The following ABTB2 variants were observed in gnomAD, a reference collection of about 807,000 sequenced individuals.
ABTB2 encodes the protein ankyrin repeat and BTB domain containing 2.
Under a neutral mutation model 104.1 loss-of-function variants are expected in ABTB2, and 56 were observed. That is an observed-to-expected ratio of 0.54 (90% confidence interval 0.43 to 0.67). The LOEUF (loss-of-function observed/expected upper bound fraction) is 0.67, where lower values mean the gene tolerates loss of function less well. Among genes scored for constraint, ABTB2 ranks in the 30% least tolerant of loss-of-function variants. ABTB2 has a pLI of 0.00. For synonymous variants in ABTB2, 606 were observed against 608.2 expected (o/e 1.00, Z 0.05); for missense variants, 1,279 against 1,407.7 (o/e 0.91, Z 1.46).
At chr11:34,340,316 T>C (rs184719182) in intron 1 of ABTB2, among the ~76,000 whole-genome samples, 211 of 152,350 alleles carry the variant, frequency 1.4e-3, no homozygotes, top group African/African-American at 4.6e-3. Flanking sequence ...CAGTAGCTCA[T>C]ACCTGGTGGC....
intron 1 of ABTB2, among the ~76,000 whole-genome samples, chr11:34,222,304 A>C (rs1359269553): frequency 6.6e-6 from 1 of 152,192 alleles, no homozygotes; most frequent in Non-Finnish European, 1.5e-5. Context: ...TTCTGCTTAG[A>C]CTTAAGGTCT....
intron 1 of ABTB2, among the ~76,000 whole-genome samples, chr11:34,268,920 A>T (rs1402547802): frequency 1.3e-5 from 2 of 152,184 alleles, no homozygotes; most frequent in Non-Finnish European, 2.9e-5. Flanking sequence ...GCCTCATCTT[A>T]GCTAACTACA....
In ABTB2 at chr11:34,162,634, G is replaced by A. The variant is rs902491375; in HGVS notation, c.2160C>T (p.Ala720=). 2.5e-6 allele frequency: 4 copies of A among 1,613,630 alleles called. No homozygotes were observed. The highest frequency in any genetic ancestry group is 2.5e-6 in the Non-Finnish European group (3 of 1,180,016). The change falls in exon 10 of 17, where the codon GCC becomes GCT. Residue 720 remains alanine, a synonymous_variant. Transcript: ENST00000435224. ...SRTRTKALQE[A]MYYSAEHGYV... ...AGCCGTGCTCAGCGCTGTAGTACATGGCCTCCTGTAGGGCCTTGGTGCGGG... is the reference window on the plus strand; with the variant it reads ...AGCCGTGCTCAGCGCTGTAGTACATAGCCTCCTGTAGGGCCTTGGTGCGGG...
In ABTB2 at chr11:34,300,100, C is replaced by T. The variant is rs976034155; in HGVS notation, c.883+56601G>A. Among the ~76,000 whole-genome samples, 7 of 152,176 alleles carry T rather than the reference C, an allele frequency of 4.6e-5. No individual in the cohort carries two copies. In the East Asian group the frequency reaches 1.3e-3, roughly 29 times the overall value. On this transcript the variant is annotated intron_variant, in intron 1 of 16. Coordinates refer to ENST00000435224, the MANE Select transcript of ABTB2 (RefSeq NM_145804.3). The stretch of plus-strand genomic sequence containing the variant: ...GGTGAGGAAGGGTTCTCTTTTATGG[C>T]TCTTAAGAATATATTGTTTTCTTTA...
chr11:34,261,783 C>T (rs116791059), intron 1 of ABTB2, among the ~76,000 whole-genome samples: 1,540 of 152,312 alleles, frequency 0.01, 27 homozygotes, highest in African/African-American at 0.035. Context: ...GCTTCCCCCA[C>T]CCAAGGCATA....
At chr11:34,327,887 G>T (rs543014110) in intron 1 of ABTB2, among the ~76,000 whole-genome samples, 1 of 152,026 alleles carries the variant, frequency 6.6e-6, no homozygotes, top group Non-Finnish European at 1.5e-5. Flanking sequence ...GCGTGTACAT[G>T]GTTAGAATGC....
At chr11:34,172,395 AATATATAT>A (rs71037402) in intron 4 of ABTB2, among the ~76,000 whole-genome samples, 1 of 29,052 alleles carries the variant, frequency 3.4e-5, no homozygotes, top group African/African-American at 9.8e-5. Flanking sequence ...AAAAAAAAAA[AATATATAT>A]ATATATATAT....
intron 1 of ABTB2, among the ~76,000 whole-genome samples, chr11:34,274,300 A>C (rs1227259061): frequency 6.6e-6 from 1 of 152,108 alleles, no homozygotes; most frequent in East Asian, 1.9e-4. Flanking sequence ...TCTTACAATA[A>C]GTAAAAGAAC....
intron 1 of ABTB2, among the ~76,000 whole-genome samples, chr11:34,320,324 G>A (rs569885424): frequency 1.6e-4 from 24 of 152,192 alleles, no homozygotes; most frequent in African/African-American, 4.3e-4. Flanking sequence ...TGTTACCCTT[G>A]GGCTAACATT....
rs371553811 is a variant in ABTB2 at position 34,289,274 on chromosome 11, A to G, written c.883+67427T>C. 2.3e-4 allele frequency among the ~76,000 whole-genome samples: 35 copies of G among 152,352 alleles called. 2 individuals are homozygous for G. The East Asian group carries it at 6.2e-3, about 27-fold the overall frequency. The stretch of plus-strand genomic sequence containing the variant: ...AGAATCTGATGAAGGGTAATAGAGC[A>G]GGAAAAAACAAAGTACACATCAACA... On this transcript the variant is annotated intron_variant, in intron 1 of 16. Transcript: ENST00000435224.
chr11:34,342,309 C>G (rs1429571195), intron 1 of ABTB2, among the ~76,000 whole-genome samples: 5 of 152,226 alleles, frequency 3.3e-5, no homozygotes, highest in African/African-American at 7.2e-5. Flanking sequence ...GGCAATGTTA[C>G]TATTTTCAGG....
In ABTB2 at chr11:34,357,761, G is replaced by A. The variant is rs1384717975; in HGVS notation, c.-178C>T. On this transcript the variant is annotated 5_prime_UTR_variant, in exon 1 of 17. The change creates a new upstream start codon in the 5' untranslated region. Coordinates refer to ENST00000435224, the MANE Select transcript of ABTB2 (RefSeq NM_145804.3). ...GGCCGCGGGAAGGTGGCCGAGATCC[G>A]TGGCCAGCAGGAGCCCCACGCTCCC... 2.7e-5 allele frequency: 18 copies of A among 663,762 alleles called. No homozygotes were observed. Among genetic ancestry groups the A allele is most frequent in the Non-Finnish European group, 4.0e-5 (17 of 424,054 alleles). The allele number at this position is 663,762 out of a possible 1,614,324, so 41.1% of individuals were successfully genotyped here. A position where few individuals can be genotyped will look rare whatever the true frequency, so the allele number is the denominator to read the frequency against.
chr11:34,232,317 G>A (rs1853778938), intron 1 of ABTB2, among the ~76,000 whole-genome samples: 1 of 152,040 alleles, frequency 6.6e-6, no homozygotes. Flanking sequence ...GGGCATAGTG[G>A]TGCACGCCTG....
rs1462115043 is a variant in ABTB2 at position 34,161,044 on chromosome 11, CAG to C, written c.2254_2255del (p.Leu752GlufsTer90). On this transcript the variant is annotated frameshift_variant, in exon 11 of 17. Coordinates refer to ENST00000435224, the MANE Select transcript of ABTB2 (RefSeq NM_145804.3). LOFTEE classifies it high-confidence loss of function. ...PWKLHIWIES[L>X]RTSFSQSRYS... ...ACCGCGACTGCGAGAACGAGGTCCT[CAG>C]AGACTCGATCCAGATGTGCAGCTTC... 6.2e-7 allele frequency: 1 copy of C among 1,612,732 alleles called. No homozygotes were observed. Among genetic ancestry groups the C allele is most frequent in the African/African-American group, 1.3e-5 (1 of 74,968 alleles).
rs539989710 is a variant in ABTB2, at chr11:34,282,470, T to A, written c.883+74231A>T. On this transcript the variant is annotated intron_variant, in intron 1 of 16. Coordinates refer to ENST00000435224, the MANE Select transcript of ABTB2 (RefSeq NM_145804.3). ...AAATATCTATATGCACATCAACATC[T>A]TGACACAAACTCCAAGCAGTGAGAT... 6.6e-5 allele frequency among the ~76,000 whole-genome samples: 10 copies of A among 152,314 alleles called. 1 individual carries two copies. The highest frequency in any genetic ancestry group is 2.4e-4 in the African/African-American group (10 of 41,582).
At chr11:34,234,930 T>C (rs2611099) in intron 1 of ABTB2, among the ~76,000 whole-genome samples, 152,111 of 152,304 alleles carry the variant, frequency 1, 75,959 homozygotes, top group Middle Eastern at 1. Flanking sequence ...CTATCTTGGC[T>C]CACTGCAAGC....
chr11:34,293,943 C>A (rs957503570), intron 1 of ABTB2, among the ~76,000 whole-genome samples: 1 of 152,016 alleles, frequency 6.6e-6, no homozygotes, highest in South Asian at 2.1e-4. Context: ...CCAGGCTGGT[C>A]GGTAAAATGT....
At chr11:34,211,388 G>A (rs1377024178) in intron 1 of ABTB2, among the ~76,000 whole-genome samples, 1 of 152,082 alleles carries the variant, frequency 6.6e-6, no homozygotes, top group African/African-American at 2.4e-5. Context: ...GGGATTATAG[G>A]TGTGAGCCAC....
intron 1 of ABTB2, among the ~76,000 whole-genome samples, chr11:34,219,593 A>G (rs1853591182): frequency 6.6e-6 from 1 of 152,218 alleles, no homozygotes; most frequent in Admixed American, 6.5e-5. Flanking sequence ...GTGATGTTGT[A>G]GCCAACATAA....
Sources: gnomAD v4.1 joint callset for allele counts (sites outside exome capture counted in the v4.1 genomes callset) on GRCh38, gnomAD v4.1.1 for gene constraint, MANE v1.5 for transcripts, NCBI Gene and HGNC (gene_info 2026-07-23, HGNC 2026-07-21) for gene names.